Variants in EXT1 observed in about 807,000 individuals in gnomAD.
The protein encoded by EXT1 is exostosin glycosyltransferase 1.
In EXT1, 20 loss-of-function variants were observed where a neutral mutation model predicts 82.5. That is an observed-to-expected ratio of 0.24 (90% CI 0.17 to 0.35). EXT1 has a LOEUF of 0.35. EXT1 is among the 10% of genes least tolerant of loss of function. The pLI is 1.00. For missense variants in EXT1, 757 were observed against 936.5 expected (o/e 0.81, Z 2.50); for synonymous variants, 348 against 350.8 (o/e 0.99, Z 0.09).
chr8:117,859,161 A>G (rs1175126600), intron 1 of EXT1, among the ~76,000 whole-genome samples: 3 of 152,236 alleles, frequency 2.0e-5, no homozygotes, highest in African/African-American at 7.2e-5. Context: ...GAAAACCAGA[A>G]AAAATCATGT....
intron 1 of EXT1, among the ~76,000 whole-genome samples, chr8:118,102,922 A>AG (rs1370959298): frequency 1.3e-5 from 2 of 151,974 alleles, no homozygotes; most frequent in Non-Finnish European, 2.9e-5. Context: ...TGGGAGGCCG[A>AG]GGTGGGCGGA....
chr8:117,810,417 T>C (rs1490684411), intron 8 of EXT1, among the ~76,000 whole-genome samples: 3 of 152,196 alleles, frequency 2.0e-5, no homozygotes, highest in Admixed American at 6.5e-5. Context: ...TAGATTTACA[T>C]ATCATTTTCA....
intron 1 of EXT1, among the ~76,000 whole-genome samples, chr8:118,008,683 T>C (rs1815831843): frequency 6.6e-6 from 1 of 152,218 alleles, no homozygotes; most frequent in Non-Finnish European, 1.5e-5. Flanking sequence ...AATAAAGCAT[T>C]ATGTATTTAA....
chr8:117,897,176 C>CT (rs1470944779), intron 1 of EXT1, among the ~76,000 whole-genome samples: 1 of 152,206 alleles, frequency 6.6e-6, no homozygotes, highest in Non-Finnish European at 1.5e-5. Context: ...TCTGTCCATA[C>CT]TAGCTGCATG....
intron 1 of EXT1, among the ~76,000 whole-genome samples, chr8:117,985,641 A>T (rs189804787): frequency 1.3e-5 from 2 of 151,378 alleles, no homozygotes; most frequent in Non-Finnish European, 2.9e-5. Context: ...CATATTAGAG[A>T]AACCTCAACA....
intron 1 of EXT1, among the ~76,000 whole-genome samples, chr8:117,882,641 C>A (rs535008479): frequency 2.0e-5 from 3 of 152,154 alleles, no homozygotes; most frequent in African/African-American, 7.2e-5. Flanking sequence ...CTAAATCAGT[C>A]CTTGGTGCCT....
intron 1 of EXT1, among the ~76,000 whole-genome samples, chr8:117,901,164 T>C (rs1208743647): frequency 1.3e-5 from 2 of 152,196 alleles, no homozygotes; most frequent in African/African-American, 4.8e-5. Flanking sequence ...AGTGCGGTAT[T>C]AGGAGATTTT....
intron 1 of EXT1, among the ~76,000 whole-genome samples, chr8:117,914,527 G>A (rs986087829): frequency 3.3e-5 from 5 of 152,148 alleles, no homozygotes; most frequent in South Asian, 2.1e-4. Context: ...ATAAATGGAC[G>A]TGCGAGTAGG....
At chr8:117,910,522 C>T (rs1364037883) in intron 1 of EXT1, among the ~76,000 whole-genome samples, 1 of 152,150 alleles carries the variant, frequency 6.6e-6, no homozygotes, top group Non-Finnish European at 1.5e-5. Flanking sequence ...CTTGGAACTA[C>T]AGCCTGGGAA....
intron 1 of EXT1, among the ~76,000 whole-genome samples, chr8:118,035,277 A>C (rs1465582653): frequency 6.6e-6 from 1 of 151,988 alleles, no homozygotes; most frequent in Non-Finnish European, 1.5e-5. Context: ...GCTCCAAGTC[A>C]CTCTCCAGAG....
At chr8:117,811,709 T>C (rs1439315696) in intron 8 of EXT1, among the ~76,000 whole-genome samples, 1 of 151,950 alleles carries the variant, frequency 6.6e-6, no homozygotes. Flanking sequence ...CTCTGCCTCT[T>C]AGGTTCAAGC....
chr8:117,971,977 C>G (rs1220261422), intron 1 of EXT1, among the ~76,000 whole-genome samples: 4 of 152,080 alleles, frequency 2.6e-5, no homozygotes, highest in South Asian at 4.1e-4. Flanking sequence ...ATGGAGAAAC[C>G]CTGTTTCTTC....
At chr8:117,800,175 G>A (rs147579032) in intron 10 of EXT1, among the ~76,000 whole-genome samples, 29 of 152,246 alleles carry the variant, frequency 1.9e-4, no homozygotes, top group East Asian at 1.2e-3. Flanking sequence ...GTCAGTCCAC[G>A]ACTTAGCAAC....
intron 1 of EXT1, among the ~76,000 whole-genome samples, chr8:117,977,567 A>G (rs1339940665): frequency 6.6e-6 from 1 of 152,194 alleles, no homozygotes; most frequent in Admixed American, 6.5e-5. Context: ...AGTAGACCAC[A>G]AGCAATTTTA....
intron 3 of EXT1, chr8:117,831,467 A>G: frequency 2.5e-6 from 1 of 402,484 alleles, no homozygotes; most frequent in South Asian, 2.0e-5. Flanking sequence ...TCTGAAATGT[A>G]CTTCCTGAGT....
intron 1 of EXT1, among the ~76,000 whole-genome samples, chr8:118,105,814 T>TC (rs1817794945): frequency 6.6e-6 from 1 of 152,204 alleles, no homozygotes; most frequent in Non-Finnish European, 1.5e-5. Context: ...CACTGCTGGA[T>TC]CATGAACTTG....
chr8:117,850,711 G>C (rs1257625348), intron 1 of EXT1, among the ~76,000 whole-genome samples: 1 of 152,114 alleles, frequency 6.6e-6, no homozygotes, highest in Non-Finnish European at 1.5e-5. Context: ...TTTAATACTT[G>C]GGGATAATGA....
rs565696612 is a variant in EXT1, at chr8:117,943,736, T to C, written c.963-106535A>G. Reference sequence around the variant, plus strand: ...TGTGTAATAATGTACGTGTGTATTTTGTTTCTAGCTTGCCATATGAAATAA... The same window carrying C: ...TGTGTAATAATGTACGTGTGTATTTCGTTTCTAGCTTGCCATATGAAATAA... On this transcript the variant is annotated intron_variant, in intron 1 of 10. Coordinates refer to ENST00000378204, the MANE Select transcript of EXT1 (RefSeq NM_000127.3). 9.8e-5 allele frequency among the ~76,000 whole-genome samples: 15 copies of C among 152,364 alleles called. No individual in the cohort carries two copies. In the East Asian group the frequency reaches 2.9e-3, roughly 29 times the overall value.
chr8:118,041,733 G>C lies in EXT1; in HGVS notation c.962+68352C>G, dbSNP rs184294785. ...AGGAAGGAAGGAAAAAGAAAAGGGA[G>C]GTCAAGAGTTTGAGACCAGCCTGGC... On this transcript the variant is annotated intron_variant, in intron 1 of 10. Transcript: ENST00000378204. Among the ~76,000 whole-genome samples the C allele has an allele frequency of 1.6e-4, 24 of 147,858 alleles. No individual in the cohort carries two copies. In the East Asian group the frequency reaches 4.7e-3, roughly 29 times the overall value.
Sources: allele counts gnomAD v4.1 joint callset (sites outside exome capture counted in the v4.1 genomes callset), GRCh38; gene constraint gnomAD v4.1.1; transcripts MANE v1.5; gene names NCBI Gene and HGNC (gene_info 2026-07-23, HGNC 2026-07-21).